The following RFFL variants were observed in gnomAD, a reference collection of about 807,000 sequenced individuals.
RFFL encodes ring finger and FYVE like domain containing E3 ubiquitin protein ligase.
Under a neutral mutation model 40.4 loss-of-function variants are expected in RFFL, and 16 were observed. The observed-to-expected ratio is 0.40, with a 90% CI of 0.27 to 0.60. The LOEUF is 0.60. RFFL is among the 20% of genes least tolerant of loss of function. The probability of loss-of-function intolerance (pLI) is 0.47; values close to 1 mark genes in which losing one functional copy is unlikely to be tolerated. For missense variants in RFFL, 367 were observed against 451.7 expected (o/e 0.81, Z 1.70); for synonymous variants, 154 against 167.9 (o/e 0.92, Z 0.64).
At chr17:35,044,396 G>C (rs1309307781) in intron 1 of RFFL, among the ~76,000 whole-genome samples, 1 of 152,156 alleles carries the variant, frequency 6.6e-6, no homozygotes, top group African/African-American at 2.4e-5. Context: ...TTTAATAAGT[G>C]TTGTCAGCCA....
intron 1 of RFFL, among the ~76,000 whole-genome samples, chr17:35,054,362 G>A (rs569679734): frequency 1.3e-5 from 2 of 152,184 alleles, no homozygotes; most frequent in East Asian, 3.9e-4. Flanking sequence ...CACAAGCTGA[G>A]GCCTCTTTCT....
chr17:35,069,669 T>G (rs1190496620), intron 1 of RFFL: 2 of 173,818 alleles, frequency 1.2e-5, no homozygotes, highest in Non-Finnish European at 2.5e-5. Flanking sequence ...CTGCAAGAGA[T>G]CACATCATAA....
At chr17:35,071,307 G>A (rs569898361) in intron 1 of RFFL, among the ~76,000 whole-genome samples, 5 of 151,470 alleles carry the variant, frequency 3.3e-5, no homozygotes, top group Non-Finnish European at 5.9e-5. Flanking sequence ...AAATGGTACA[G>A]CAACTCTGGA....
At chr17:35,081,473 G>A (rs538885673) in intron 1 of RFFL, among the ~76,000 whole-genome samples, 30 of 152,232 alleles carry the variant, frequency 2.0e-4, no homozygotes, top group African/African-American at 6.5e-4. Context: ...AAAAATTCAC[G>A]TGCTAGTGTA....
At chr17:35,072,994 G>C (rs902149290) in intron 1 of RFFL, among the ~76,000 whole-genome samples, 2 of 149,470 alleles carry the variant, frequency 1.3e-5, no homozygotes, top group Non-Finnish European at 2.9e-5. Context: ...AGTGAGCTGA[G>C]ATTGTGCCAT....
intron 1 of RFFL, among the ~76,000 whole-genome samples, chr17:35,056,256 C>T (rs1336269586): frequency 6.6e-6 from 1 of 152,112 alleles, no homozygotes; most frequent in Non-Finnish European, 1.5e-5. Context: ...CATCAATGAC[C>T]ACTCTTGCTC....
At chr17:35,025,915 T>C (rs1410921041) in intron 2 of RFFL, among the ~76,000 whole-genome samples, 3 of 152,232 alleles carry the variant, frequency 2.0e-5, no homozygotes, top group Admixed American at 6.5e-5. Context: ...TTAACGTTGC[T>C]TTTGATAAAA....
chr17:35,073,273 C>T (rs1242078359), intron 1 of RFFL, among the ~76,000 whole-genome samples: 1 of 152,060 alleles, frequency 6.6e-6, no homozygotes, highest in Non-Finnish European at 1.5e-5. Context: ...CTCACCAAAG[C>T]CATGAGTAAT....
chr17:35,010,275 T>G lies in RFFL; in HGVS notation c.*1693A>C, dbSNP rs994313504. ...GGTGGGAGGTGTCTGCCAAGGCGTT[T>G]AGGGTTTGCATAGTTCATCCATTGG... On this transcript the variant is annotated 3_prime_UTR_variant, in exon 7 of 7. Coordinates refer to ENST00000394597, the MANE Select transcript of RFFL (RefSeq NM_001017368.2). 3 of 152,206 alleles carry G rather than the reference T, an allele frequency of 2.0e-5. No individual in the cohort carries two copies. Among genetic ancestry groups the G allele is most frequent in the African/African-American group, 7.2e-5 (3 of 41,436 alleles). 9.4% of individuals were successfully genotyped at this position (152,206 alleles called of 1,614,324 possible).
At chr17:35,063,273 C>T (rs1442474597) in intron 1 of RFFL, among the ~76,000 whole-genome samples, 1 of 151,616 alleles carries the variant, frequency 6.6e-6, no homozygotes, top group Non-Finnish European at 1.5e-5. Flanking sequence ...CTGACCAACA[C>T]AGCAAAACCC....
intron 1 of RFFL, among the ~76,000 whole-genome samples, chr17:35,084,110 G>A (rs188759459): frequency 3.9e-4 from 59 of 151,394 alleles, no homozygotes; most frequent in African/African-American, 6.8e-4. Context: ...GCAGTGGCGC[G>A]TGCCTGTAAT....
rs993893898 is a variant in RFFL, at chr17:35,045,252, A to G, written c.-9+18324T>C. ...TAATTCTTTTTTTTTTCTTTTTTTG[A>G]GACAGAGTCTCACTCTGTCGTCCAG... On this transcript the variant is annotated intron_variant, in intron 1 of 6. Coordinates refer to ENST00000394597, the MANE Select transcript of RFFL (RefSeq NM_001017368.2). Among the ~76,000 whole-genome samples the G allele has an allele frequency of 2.6e-5, 4 of 151,362 alleles. No homozygotes were observed. The East Asian group carries it at 5.8e-4, about 22-fold the overall frequency.
chr17:35,032,247 T>C (rs1428739498), intron 1 of RFFL, among the ~76,000 whole-genome samples: 1 of 152,020 alleles, frequency 6.6e-6, no homozygotes, highest in Non-Finnish European at 1.5e-5. Flanking sequence ...CTATACGTAA[T>C]GGGACACGAT....
chr17:35,072,831 G>A (rs1297384419), intron 1 of RFFL, among the ~76,000 whole-genome samples: 1 of 152,092 alleles, frequency 6.6e-6, no homozygotes, highest in Non-Finnish European at 1.5e-5. Context: ...ATCACCTGAG[G>A]TGGAGAGTTC....
intron 1 of RFFL, among the ~76,000 whole-genome samples, chr17:35,029,347 T>G (rs1184662089): frequency 2.7e-5 from 4 of 149,728 alleles, no homozygotes; most frequent in Admixed American, 6.6e-5. Flanking sequence ...GTAGTTTTTT[T>G]TTTTTTTTTT....
At chr17:35,034,149 A>G (rs1422191535) in intron 1 of RFFL, among the ~76,000 whole-genome samples, 1 of 150,258 alleles carries the variant, frequency 6.7e-6, no homozygotes, top group Non-Finnish European at 1.5e-5. Flanking sequence ...TCTCAAAAAA[A>G]TAAAAAATAA....
intron 1 of RFFL, among the ~76,000 whole-genome samples, chr17:35,072,299 T>C (rs1190648052): frequency 1.3e-5 from 2 of 149,158 alleles, no homozygotes; most frequent in South Asian, 4.2e-4. Flanking sequence ...AAAAAAAAAG[T>C]TCCAATTGTT....
At position 35,035,601 on chromosome 17, in the gene RFFL, G is replaced by A. The variant is rs190450922; in HGVS notation, c.-8-9040C>T. 9.3e-5 allele frequency among the ~76,000 whole-genome samples: 14 copies of A among 151,272 alleles called. No individual in the cohort carries two copies. In the East Asian group the frequency reaches 2.5e-3, roughly 27 times the overall value. On this transcript the variant is annotated intron_variant, in intron 1 of 6. Transcript: ENST00000394597. ...TAACAGAACAGGTTTGCCAAAGTCA[G>A]CCGACTAGGCTTTTACTCTTTATAT... is the stretch of plus-strand genomic sequence containing the variant.
intron 1 of RFFL, 78 bp from the exon 2 acceptor site, chr17:35,026,639 G>A (rs2091042990): frequency 2.6e-6 from 3 of 1,175,946 alleles, no homozygotes; most frequent in Non-Finnish European, 3.6e-6. Flanking sequence ...GAGAGCACAG[G>A]TGAGCAGTGA....
Sources: gnomAD v4.1 joint callset for allele counts (sites outside exome capture counted in the v4.1 genomes callset) on GRCh38, gnomAD v4.1.1 for gene constraint, MANE v1.5 for transcripts, NCBI Gene and HGNC (gene_info 2026-07-23, HGNC 2026-07-21) for gene names.